ZFYVE9: variants seen among roughly 807,000 people sequenced by gnomAD.
The protein encoded by ZFYVE9 is zinc finger FYVE-type containing 9.
ZFYVE9 carries 43 observed loss-of-function variants against 126.7 expected under a neutral mutation model. That is an observed-to-expected ratio of 0.34 (90% CI 0.27 to 0.44). The LOEUF is 0.44. Ranked by LOEUF, ZFYVE9 falls within the 20% of genes least tolerant of loss-of-function variation. ZFYVE9 has a pLI of 1.00. For missense variants in ZFYVE9, 1,476 were observed against 1,697.0 expected (o/e 0.87, Z 2.29); for synonymous variants, 521 against 597.4 (o/e 0.87, Z 1.87).
intron 4 of ZFYVE9, chr1:52,254,075 A>C: frequency 1.3e-6 from 1 of 770,554 alleles, no homozygotes; most frequent in Non-Finnish European, 2.2e-6. Flanking sequence ...AAAGACACCC[A>C]CCCATATGAG....
chr1:52,212,141 A>T (rs1645034046), intron 1 of ZFYVE9, among the ~76,000 whole-genome samples: 2 of 151,998 alleles, frequency 1.3e-5, no homozygotes, highest in South Asian at 4.2e-4. Context: ...TAAAACATTT[A>T]TTTTTATTTA....
chr1:52,186,115 C>G (rs1456583684), intron 1 of ZFYVE9, among the ~76,000 whole-genome samples: 1 of 151,320 alleles, frequency 6.6e-6, no homozygotes, highest in Non-Finnish European at 1.5e-5. Context: ...TGGCAGGCAC[C>G]TGTAATCCTA....
chr1:52,263,151 G>A (rs1359933767), intron 4 of ZFYVE9, among the ~76,000 whole-genome samples: 2 of 151,870 alleles, frequency 1.3e-5, no homozygotes, highest in African/African-American at 2.4e-5. Context: ...GTGTAGAGGG[G>A]AGAAGGAAGT....
intron 1 of ZFYVE9, among the ~76,000 whole-genome samples, chr1:52,156,270 A>T (rs879625664): frequency 6.6e-6 from 1 of 152,220 alleles, no homozygotes; most frequent in Non-Finnish European, 1.5e-5. Flanking sequence ...TACAACAAAC[A>T]TACTACATCT....
intron 3 of ZFYVE9, 106 bp from the exon 4 acceptor site, chr1:52,237,379 ATCC>A: frequency 9.9e-7 from 1 of 1,011,562 alleles, no homozygotes. Flanking sequence ...GAAATCTAAT[ATCC>A]TTGGAATATT....
chr1:52,280,902 TGTAATTACTTCTAGCCTTACATTG>T (rs1216423107), intron 9 of ZFYVE9, among the ~76,000 whole-genome samples: 6 of 152,180 alleles, frequency 3.9e-5, no homozygotes, highest in Non-Finnish European at 8.8e-5. Context: ...TGGCTTTTGT[TGTAATTACTTCTAGCCTTACATTG>T]GTAATTACTT....
chr1:52,192,191 A>G (rs375479522), intron 1 of ZFYVE9, among the ~76,000 whole-genome samples: 1 of 152,184 alleles, frequency 6.6e-6, no homozygotes, highest in African/African-American at 2.4e-5. Flanking sequence ...GGCTACTTTC[A>G]TGTATGTTCA....
At chr1:52,293,848 C>T (rs1181577602) in intron 11 of ZFYVE9, among the ~76,000 whole-genome samples, 171 bp downstream of exon 11, 5 of 152,086 alleles carry the variant, frequency 3.3e-5, no homozygotes, top group Non-Finnish European at 4.4e-5. Flanking sequence ...CTGAAAATAA[C>T]GAATGAGGAA....
intron 1 of ZFYVE9, among the ~76,000 whole-genome samples, chr1:52,180,879 G>C (rs1644693141): frequency 6.7e-6 from 1 of 150,250 alleles, no homozygotes. Context: ...GGAGGCTGAG[G>C]CAGGAGAATC....
chr1:52,177,692 T>C (rs902492205), intron 1 of ZFYVE9, among the ~76,000 whole-genome samples: 3 of 152,216 alleles, frequency 2.0e-5, no homozygotes, highest in Admixed American at 1.3e-4. Context: ...GTGACACTTT[T>C]GTTTAGTATT....
chr1:52,323,804 A>C (rs1294103536), intron 13 of ZFYVE9, among the ~76,000 whole-genome samples: 1 of 150,252 alleles, frequency 6.7e-6, no homozygotes, highest in East Asian at 2.0e-4. Context: ...AATCCCAGCT[A>C]TTCGGGAGGC....
intron 4 of ZFYVE9, among the ~76,000 whole-genome samples, chr1:52,243,284 T>G (rs2124636754): frequency 6.6e-6 from 1 of 152,152 alleles, no homozygotes; most frequent in African/African-American, 2.4e-5. Context: ...AAAACATGAT[T>G]TGTGGCAAGG....
At chr1:52,280,808 T>A (rs1399724473) in intron 9 of ZFYVE9, among the ~76,000 whole-genome samples, 2 of 152,190 alleles carry the variant, frequency 1.3e-5, no homozygotes, top group African/African-American at 4.8e-5. Context: ...ATAGCTGGAA[T>A]CTCTTGGTCA....
intron 2 of ZFYVE9, among the ~76,000 whole-genome samples, chr1:52,219,771 G>A (rs1382138653): frequency 2.7e-5 from 4 of 148,254 alleles, no homozygotes; most frequent in Admixed American, 1.3e-4. Flanking sequence ...GTGTGTGTGT[G>A]TGTGTGTGTG....
At chr1:52,226,096 C>T (rs1645168408) in intron 2 of ZFYVE9, among the ~76,000 whole-genome samples, 1 of 152,166 alleles carries the variant, frequency 6.6e-6, no homozygotes. Context: ...GTTTACATAG[C>T]ATGCAGGGAA....
intron 1 of ZFYVE9, among the ~76,000 whole-genome samples, chr1:52,144,352 C>G (rs771787520): frequency 1.3e-4 from 20 of 152,048 alleles, no homozygotes; most frequent in Non-Finnish European, 2.1e-4. Context: ...CTCAGTGTGT[C>G]CCTCAAGACC....
intron 2 of ZFYVE9, among the ~76,000 whole-genome samples, chr1:52,220,445 A>G (rs1197527196): frequency 6.6e-6 from 1 of 152,196 alleles, no homozygotes; most frequent in Non-Finnish European, 1.5e-5. Flanking sequence ...TATGACTAGT[A>G]AATACTTGAG....
chr1:52,173,778 G>T lies in ZFYVE9; in HGVS notation c.-143+31375G>T, dbSNP rs143199198. On this transcript the variant is annotated intron_variant, in intron 1 of 18. Coordinates refer to ENST00000287727, the MANE Select transcript of ZFYVE9 (RefSeq NM_004799.4). The stretch of plus-strand genomic sequence containing the variant: ...TTATCCATTTCTTCTAGATTTTCTA[G>T]TTTATTTGTGTAGAGGTGTTTATAG... Among the ~76,000 whole-genome samples the T allele has an allele frequency of 6.1e-3, 925 of 152,274 alleles. 6 individuals are homozygous for T. Among genetic ancestry groups the T allele is most frequent in the African/African-American group, 0.021 (883 of 41,560 alleles).
rs544702648 is a variant in ZFYVE9 at position 52,284,903 on chromosome 1, C to CATAT, written c.3025+3092_3025+3095dup. Reference sequence around the variant, plus strand: ...CTATAATGTAGGATAGGGACACGAACATATATATGTATATCTAAGGAAATA... The same window carrying CATAT: ...CTATAATGTAGGATAGGGACACGAACATATATATATATGTATATCTAAGGAAATA... On this transcript the variant is annotated intron_variant, in intron 10 of 18. Coordinates refer to ENST00000287727, the MANE Select transcript of ZFYVE9 (RefSeq NM_004799.4). Among the ~76,000 whole-genome samples the CATAT allele has an allele frequency of 6.3e-3, 954 of 152,202 alleles. 6 individuals are homozygous for CATAT. Among genetic ancestry groups the CATAT allele is most frequent in the Non-Finnish European group, 0.01 (683 of 68,002 alleles).
Sources: allele counts gnomAD v4.1 joint callset (sites outside exome capture counted in the v4.1 genomes callset), GRCh38; gene constraint gnomAD v4.1.1; transcripts MANE v1.5; gene names NCBI Gene and HGNC (gene_info 2026-07-23, HGNC 2026-07-21).